The following TMEM132B variants were observed in gnomAD, a reference collection of about 807,000 sequenced individuals.
The protein encoded by TMEM132B is transmembrane protein 132B.
In TMEM132B, 18 loss-of-function variants were observed where a neutral mutation model predicts 90.8. The observed-to-expected ratio is 0.20, with a 90% confidence interval of 0.14 to 0.29. The LOEUF is 0.29. Among genes scored for constraint, TMEM132B ranks in the 10% least tolerant of loss-of-function variants. TMEM132B has a pLI of 1.00. For missense variants in TMEM132B, 1,096 were observed against 1,326.8 expected (o/e 0.83, Z 2.70); for synonymous variants, 504 against 523.3 (o/e 0.96, Z 0.50).
At chr12:125,248,706 T>C (rs1218250984) in intron 1 of TMEM132B, among the ~76,000 whole-genome samples, 6 of 152,194 alleles carry the variant, frequency 3.9e-5, no homozygotes, top group African/African-American at 1.2e-4. Flanking sequence ...CTAGCATTTT[T>C]TGTGGGAAGG....
intron 5 of TMEM132B, among the ~76,000 whole-genome samples, chr12:125,632,206 A>G (rs150665726): frequency 0.018 from 2,722 of 152,180 alleles, 37 homozygotes; most frequent in Non-Finnish European, 0.025. Flanking sequence ...CTTATAACCC[A>G]TTATTTTAAA....
At chr12:125,584,414 C>G (rs184445560) in intron 5 of TMEM132B, 7 of 176,338 alleles carry the variant, frequency 4.0e-5, no homozygotes, top group African/African-American at 9.6e-5. Flanking sequence ...TTGCTTCTTT[C>G]GGGTAGCCAG....
chr12:125,516,370 A>G (rs1883163849), intron 3 of TMEM132B, among the ~76,000 whole-genome samples: 5 of 152,266 alleles, frequency 3.3e-5, no homozygotes, highest in Admixed American at 3.3e-4. Context: ...ATTACCAGTT[A>G]TGAACTCATT....
chr12:125,599,951 T>C (rs1885533220), intron 5 of TMEM132B, among the ~76,000 whole-genome samples: 1 of 152,164 alleles, frequency 6.6e-6, no homozygotes, highest in South Asian at 2.1e-4. Flanking sequence ...CACAGCTCTC[T>C]GGCAGAGGTG....
intron 1 of TMEM132B, among the ~76,000 whole-genome samples, chr12:125,278,073 T>G (rs1253361575): frequency 6.6e-6 from 1 of 152,210 alleles, no homozygotes; most frequent in Non-Finnish European, 1.5e-5. Flanking sequence ...ATGGAAGTGT[T>G]GGAAAGAGCC....
chr12:125,614,136 A>AT (rs972718608), intron 5 of TMEM132B, among the ~76,000 whole-genome samples: 3 of 151,900 alleles, frequency 2.0e-5, no homozygotes, highest in Admixed American at 6.6e-5. Flanking sequence ...TAATTTCAAC[A>AT]TTTTTTTTAG....
chr12:125,237,669 G>A (rs1189678224), intron 1 of TMEM132B, among the ~76,000 whole-genome samples: 5 of 152,042 alleles, frequency 3.3e-5, no homozygotes, highest in East Asian at 1.9e-4. Context: ...GGCTTGTCTC[G>A]AACTCCTGGC....
At chr12:125,521,512 A>G (rs1324335132) in intron 4 of TMEM132B, among the ~76,000 whole-genome samples, 1 of 152,216 alleles carries the variant, frequency 6.6e-6, no homozygotes, top group Non-Finnish European at 1.5e-5. Context: ...TTTAAATGCA[A>G]GGACTTAAGT....
chr12:125,622,333 T>C, intron 5 of TMEM132B: 1 of 261,018 alleles, frequency 3.8e-6, no homozygotes, highest in Non-Finnish European at 6.0e-6. Context: ...TAGATGTGAT[T>C]ATCTTAATTT....
chr12:125,455,350 C>T (rs1881265564), intron 3 of TMEM132B, among the ~76,000 whole-genome samples: 1 of 152,124 alleles, frequency 6.6e-6, no homozygotes, highest in African/African-American at 2.4e-5. Context: ...TAAAGCCTGG[C>T]ATTTGGGGAC....
intron 3 of TMEM132B, among the ~76,000 whole-genome samples, chr12:125,420,184 G>C (rs1450546630): frequency 6.6e-6 from 1 of 152,238 alleles, no homozygotes; most frequent in Non-Finnish European, 1.5e-5. Context: ...TCACTAGGCA[G>C]CACCTCAGTG....
chr12:125,274,554 T>C (rs964547740), intron 1 of TMEM132B, among the ~76,000 whole-genome samples: 3 of 152,372 alleles, frequency 2.0e-5, no homozygotes, highest in Admixed American at 6.5e-5. Context: ...TCAATGCTCA[T>C]TGCCAGACTA....
intron 1 of TMEM132B, among the ~76,000 whole-genome samples, chr12:125,284,459 G>A (rs1875290441): frequency 6.6e-6 from 1 of 152,210 alleles, no homozygotes; most frequent in African/African-American, 2.4e-5. Flanking sequence ...TGGAGCAGGG[G>A]TTAGACCGCA....
rs370539890 is a variant in TMEM132B at position 125,456,329 on chromosome 12, A to G, written c.1106+40652A>G. On this transcript the variant is annotated intron_variant, in intron 3 of 8. Coordinates refer to ENST00000682704, the MANE Select transcript of TMEM132B (RefSeq NM_001366854.1). ...GATGGCCAGGACGAATCCCCAGACC[A>G]TTACAGTTAAACCTGCATTTATTGA... 1.3e-4 allele frequency among the ~76,000 whole-genome samples: 20 copies of G among 152,320 alleles called. No individual in the cohort carries two copies. The East Asian group carries it at 1.7e-3, about 13-fold the overall frequency.
At chr12:125,510,528 CAA>C (rs1241516304) in intron 3 of TMEM132B, among the ~76,000 whole-genome samples, 10 of 152,034 alleles carry the variant, frequency 6.6e-5, no homozygotes, top group Admixed American at 3.9e-4. Flanking sequence ...AGAAACCAAA[CAA>C]GAGAGAGTTG....
In TMEM132B at chr12:125,585,642, C is replaced by G. The variant is rs1885162086; in HGVS notation, c.1437+1648C>G. Reference sequence around the variant, plus strand: ...CCTCCTTCTCTTGCCCTGAAGAGCTCTACTCTAGAGGGGCAGGTCCAAGTT... The same window carrying G: ...CCTCCTTCTCTTGCCCTGAAGAGCTGTACTCTAGAGGGGCAGGTCCAAGTT... On this transcript the variant is annotated intron_variant, in intron 5 of 8. Transcript: ENST00000682704. 2.6e-5 allele frequency: 4 copies of G among 152,216 alleles called. No individual in the cohort carries two copies. The South Asian group carries it at 8.3e-4, about 32-fold the overall frequency. 9.4% of individuals were successfully genotyped at this position (152,216 alleles called of 1,614,324 possible). A position where few individuals can be genotyped will look rare whatever the true frequency, so the allele number is the denominator to read the frequency against.
At chr12:125,577,569 TATA>T (rs1398630524) in intron 4 of TMEM132B, among the ~76,000 whole-genome samples, 2 of 150,060 alleles carry the variant, frequency 1.3e-5, no homozygotes, top group Non-Finnish European at 3.0e-5. Context: ...AATAATGTGA[TATA>T]ATATTTATAT....
chr12:125,431,946 C>T (rs1340155550), intron 3 of TMEM132B, among the ~76,000 whole-genome samples: 2 of 152,150 alleles, frequency 1.3e-5, no homozygotes, highest in Non-Finnish European at 2.9e-5. Flanking sequence ...CTGCAGTGTC[C>T]ACTTCCTTTC....
At chr12:125,306,220 G>A (rs915019243) in intron 1 of TMEM132B, among the ~76,000 whole-genome samples, 7 of 152,180 alleles carry the variant, frequency 4.6e-5, no homozygotes, top group Non-Finnish European at 7.3e-5. Flanking sequence ...GGACTCTTAC[G>A]ACAAATGTGG....
Sources: gnomAD v4.1 joint callset for allele counts (sites outside exome capture counted in the v4.1 genomes callset) on GRCh38, gnomAD v4.1.1 for gene constraint, MANE v1.5 for transcripts, NCBI Gene and HGNC (gene_info 2026-07-23, HGNC 2026-07-21) for gene names.